TCF12: variants seen among roughly 807,000 people sequenced by gnomAD.
TCF12 encodes the protein transcription factor 12, also known as DNA-binding protein HTF4.
Under a neutral mutation model 86.0 loss-of-function variants are expected in TCF12, and 45 were observed. The ratio of observed to expected loss-of-function variants is 0.52; its 90% confidence interval spans 0.41 to 0.67. The LOEUF is 0.67. Ranked by LOEUF, TCF12 falls within the 30% of genes least tolerant of loss-of-function variation. The probability of loss-of-function intolerance (pLI) is 0.00; values close to 1 mark genes in which losing one functional copy is unlikely to be tolerated. For missense variants in TCF12, 881 were observed against 859.9 expected (o/e 1.02, Z -0.31); for synonymous variants, 330 against 299.6 (o/e 1.10, Z -1.05).
chr15:57,237,682 C>G (rs2059436662), intron 12 of TCF12, among the ~76,000 whole-genome samples: 1 of 152,094 alleles, frequency 6.6e-6, no homozygotes, highest in East Asian at 1.9e-4. Flanking sequence ...TCTTTTTATT[C>G]TTACCTTCAA....
At chr15:56,954,065 C>T (rs1279190161) in intron 3 of TCF12, among the ~76,000 whole-genome samples, 5 of 151,774 alleles carry the variant, frequency 3.3e-5, no homozygotes, top group African/African-American at 1.2e-4. Context: ...AAATTTTCTC[C>T]TAAGTTCAGC....
At chr15:57,278,801 C>T (rs2061540978) in intron 19 of TCF12, 1 of 148,528 alleles carries the variant, frequency 6.7e-6, no homozygotes, top group African/African-American at 2.5e-5. Context: ...CTCTCTCCGT[C>T]CCTGTCTCTC....
intron 3 of TCF12, among the ~76,000 whole-genome samples, chr15:57,022,720 C>G (rs2065572926): frequency 6.6e-6 from 1 of 152,192 alleles, no homozygotes; most frequent in Admixed American, 6.5e-5. Flanking sequence ...CACATCCTCT[C>G]CAGCATCTGT....
intron 3 of TCF12, among the ~76,000 whole-genome samples, chr15:56,924,053 T>C (rs114935904): frequency 1.3e-4 from 20 of 152,242 alleles, no homozygotes; most frequent in African/African-American, 4.8e-4. Flanking sequence ...TAGATGTACT[T>C]ACAGGCTTTT....
At chr15:57,230,397 T>G (rs1014978566) in intron 8 of TCF12, among the ~76,000 whole-genome samples, 1 of 152,018 alleles carries the variant, frequency 6.6e-6, no homozygotes, top group African/African-American at 2.4e-5. Flanking sequence ...GAGAATAGTG[T>G]GATCACATTT....
intron 6 of TCF12, among the ~76,000 whole-genome samples, chr15:57,168,130 A>G (rs117308347): frequency 6.6e-6 from 1 of 152,330 alleles, no homozygotes; most frequent in East Asian, 1.9e-4. Flanking sequence ...TGGGCAATGT[A>G]GCCAGATTGC....
chr15:57,104,560 G>C (rs564528641), intron 5 of TCF12, among the ~76,000 whole-genome samples: 1 of 146,458 alleles, frequency 6.8e-6, no homozygotes, highest in South Asian at 2.2e-4. Flanking sequence ...TCCTGCCTCA[G>C]CCTCCGGAGT....
chr15:57,213,039 C>T (rs2058180896), intron 8 of TCF12, among the ~76,000 whole-genome samples: 1 of 152,174 alleles, frequency 6.6e-6, no homozygotes, highest in Non-Finnish European at 1.5e-5. Context: ...AAATTTCTTC[C>T]AAGTTTTATA....
Position 57,046,384 on chromosome 15 carries a change from G to A in TCF12, c.149-17366G>A, listed in dbSNP as rs564177781. 5.9e-5 allele frequency among the ~76,000 whole-genome samples: 9 copies of A among 152,262 alleles called. No homozygotes were observed. The South Asian group carries it at 1.5e-3, about 25-fold the overall frequency. On this transcript the variant is annotated intron_variant, in intron 3 of 20. Transcript: ENST00000333725. ...AAGAGAAACTCAGACACTAGTTTGAGAAATTGGGTATGGAAGGACATCAGT... is the reference window on the plus strand; with the variant it reads ...AAGAGAAACTCAGACACTAGTTTGAAAAATTGGGTATGGAAGGACATCAGT...
At chr15:57,076,304 T>C (rs1237770002) in intron 4 of TCF12, among the ~76,000 whole-genome samples, 1 of 152,146 alleles carries the variant, frequency 6.6e-6, no homozygotes, top group African/African-American at 2.4e-5. Flanking sequence ...TAAATAGACT[T>C]TTTTATTATT....
chr15:57,054,315 A>AT (rs1314171812), intron 3 of TCF12, among the ~76,000 whole-genome samples: 6 of 152,240 alleles, frequency 3.9e-5, no homozygotes, highest in African/African-American at 7.2e-5. Flanking sequence ...ATTCATTAAA[A>AT]TGTACTTGAT....
intron 5 of TCF12, among the ~76,000 whole-genome samples, chr15:57,165,441 ATATT>A (rs2054816334): frequency 6.6e-6 from 1 of 152,170 alleles, no homozygotes; most frequent in Non-Finnish European, 1.5e-5. Context: ...ACATGAATAT[ATATT>A]TAAGAGTATA....
chr15:56,922,407 C>T (rs116762333), intron 3 of TCF12, among the ~76,000 whole-genome samples: 1,757 of 151,966 alleles, frequency 0.012, 32 homozygotes, highest in African/African-American at 0.04. Context: ...GTTAGAAGTG[C>T]ATTCTATTTT....
At chr15:57,230,813 G>A (rs1161196877) in intron 8 of TCF12, among the ~76,000 whole-genome samples, 1 of 151,810 alleles carries the variant, frequency 6.6e-6, no homozygotes, top group Non-Finnish European at 1.5e-5. Flanking sequence ...TTGTTTGCTC[G>A]ATCAGATTTT....
At chr15:57,246,872 G>A (rs569039460) in intron 13 of TCF12, 58 of 409,064 alleles carry the variant, frequency 1.4e-4, no homozygotes, top group Non-Finnish European at 2.4e-4. Flanking sequence ...AATGCCTTTC[G>A]GACAACTGTC....
chr15:56,964,426 C>T (rs183560928), intron 3 of TCF12, among the ~76,000 whole-genome samples: 39 of 152,214 alleles, frequency 2.6e-4, no homozygotes, highest in Admixed American at 2.2e-3. Context: ...CTCTCTTTTC[C>T]ATTCTCAATC....
intron 12 of TCF12, among the ~76,000 whole-genome samples, chr15:57,240,641 G>C (rs1451557748): frequency 6.6e-6 from 1 of 152,130 alleles, no homozygotes; most frequent in African/African-American, 2.4e-5. Flanking sequence ...CAGCACTTTG[G>C]GAGGCCAAAG....
intron 5 of TCF12, among the ~76,000 whole-genome samples, chr15:57,159,876 G>T (rs1012247841): frequency 6.6e-5 from 10 of 152,174 alleles, no homozygotes; most frequent in Non-Finnish European, 2.9e-5. Flanking sequence ...GGCAACAATT[G>T]TTTCTTGAAT....
chr15:57,075,132 A>G (rs1003914951), intron 4 of TCF12, among the ~76,000 whole-genome samples: 3 of 152,228 alleles, frequency 2.0e-5, no homozygotes, highest in Non-Finnish European at 4.4e-5. Flanking sequence ...TTAGGACTGG[A>G]AATTATTTTG....
Sources: allele counts gnomAD v4.1 joint callset (sites outside exome capture counted in the v4.1 genomes callset), GRCh38; gene constraint gnomAD v4.1.1; transcripts MANE v1.5; gene names NCBI Gene and HGNC (gene_info 2026-07-23, HGNC 2026-07-21).